ELAPOR1: variants seen among roughly 807,000 people sequenced by gnomAD.
ELAPOR1 encodes the protein endosome-lysosome associated apoptosis and autophagy regulator 1.
A neutral mutation model predicts 119.7 loss-of-function variants in ELAPOR1; 77 were observed. That is an observed-to-expected ratio of 0.64 (90% CI 0.54 to 0.78). The LOEUF (loss-of-function observed/expected upper bound fraction) is 0.78, where lower values mean the gene tolerates loss of function less well. Among genes scored for constraint, ELAPOR1 ranks in the 30% least tolerant of loss-of-function variants. The pLI, the probability that ELAPOR1 is intolerant of heterozygous loss-of-function variation, is 0.00. For synonymous variants in ELAPOR1, 481 were observed against 487.2 expected (o/e 0.99, Z 0.17); for missense variants, 1,115 against 1,270.4 (o/e 0.88, Z 1.86).
rs368841414 is a variant in ELAPOR1 at position 109,173,084 on chromosome 1, C to A, written c.697-390C>A. Among the ~76,000 whole-genome samples, 41 of 114,718 alleles carry A rather than the reference C, an allele frequency of 3.6e-4. No homozygotes were observed. In the South Asian group the frequency reaches 0.012, roughly 33 times the overall value. 75.3% of individuals were successfully genotyped at this position (114,718 alleles called of 152,430 possible). A position where few individuals can be genotyped will look rare whatever the true frequency, so the allele number is the denominator to read the frequency against. On this transcript the variant is annotated intron_variant, in intron 5 of 21. Coordinates refer to ENST00000369939, the MANE Select transcript of ELAPOR1 (RefSeq NM_020775.5). ...TGCACTCCAGCCTGGGCAACAAAAG[C>A]GAAACTCTGTCTCAAAAAAAAAAAA...
rs1654269852 is a variant in ELAPOR1, at chr1:109,202,945, G to C, written c.2975G>C (p.Arg992Thr). The change falls in exon 22 of 22, where the codon AGG (arginine) becomes ACG (threonine). Residue 992 changes from arginine (R) to threonine (T), a missense_variant and splice_region_variant. By Grantham distance (71) the Arg-to-Thr change is moderately conservative (BLOSUM62 -1). Coordinates refer to ENST00000369939, the MANE Select transcript of ELAPOR1 (RefSeq NM_020775.5). ...FGKIKSFTSK[R>T]TPDGFDSVPL... Reference sequence around the variant, plus strand: ...CTCCTGTCACCATCTCTCTTTCAGAGGACTCCTGATGGATTTGACTCAGTG... The same window carrying C: ...CTCCTGTCACCATCTCTCTTTCAGACGACTCCTGATGGATTTGACTCAGTG... 1.7e-5 allele frequency: 27 copies of C among 1,613,804 alleles called. No individual in the cohort carries two copies. Among genetic ancestry groups the C allele is most frequent in the Non-Finnish European group, 2.3e-5 (27 of 1,179,928 alleles).
At chr1:109,189,241 C>G in intron 10 of ELAPOR1, 47 bp downstream of exon 10, 1 of 1,589,298 alleles carries the variant, frequency 6.3e-7, no homozygotes, top group South Asian at 1.1e-5. Context: ...CCTGCACACC[C>G]TCAGTTCTTC....
chr1:109,138,484 C>T (rs1201496320), intron 1 of ELAPOR1, among the ~76,000 whole-genome samples: 1 of 151,920 alleles, frequency 6.6e-6, no homozygotes, highest in African/African-American at 2.4e-5. Flanking sequence ...CAGGTGTGTC[C>T]ACAGCTGATA....
At position 109,192,857 on chromosome 1, in the gene ELAPOR1, G is replaced by C; in HGVS notation, c.1930G>C (p.Gly644Arg). ...GVQACVPCGP[G>R]TKNNKIHSLC... ...CCAGGCCTGTGTGCCCTGTGGTCCAGGGACCAAGAACAACAAGGTACCTGT... is the reference window on the plus strand; with the variant it reads ...CCAGGCCTGTGTGCCCTGTGGTCCACGGACCAAGAACAACAAGGTACCTGT... Residue 644 changes from glycine (G) to arginine (R), a missense_variant, in exon 14 of 22, where the codon GGG becomes CGG. By Grantham distance (125) the Gly-to-Arg change is moderately radical. Coordinates refer to ENST00000369939, the MANE Select transcript of ELAPOR1 (RefSeq NM_020775.5). 1 of 1,613,914 alleles carries C rather than the reference G, an allele frequency of 6.2e-7. No homozygotes were observed. The highest frequency in any genetic ancestry group is 2.2e-5 in the East Asian group (1 of 44,854).
rs1558057981 is a variant in ELAPOR1, at chr1:109,183,568, C to CCTTT, written c.953-1474_953-1473insTCTT. On this transcript the variant is annotated intron_variant, in intron 7 of 21. Transcript: ENST00000369939. The stretch of plus-strand genomic sequence containing the variant: ...CTTTCTTTTCCTTCCTTCCTTCCTT[C>CCTTT]CTTCCTTCCTTCCTTCCTTCCTTCC... Among the ~76,000 whole-genome samples, 273 of 44,466 alleles carry CCTTT rather than the reference C, an allele frequency of 6.1e-3. 2 individuals carry two copies. Among genetic ancestry groups the CCTTT allele is most frequent in the South Asian group, 0.012 (10 of 836 alleles). 29.2% of individuals were successfully genotyped at this position (44,466 alleles called of 152,430 possible). A position where few individuals can be genotyped will look rare whatever the true frequency, so the allele number is the denominator to read the frequency against.
chr1:109,168,696 A>T (rs1651745111), intron 3 of ELAPOR1, among the ~76,000 whole-genome samples: 2 of 152,252 alleles, frequency 1.3e-5, no homozygotes, highest in African/African-American at 4.8e-5. Context: ...AAATGTAAAC[A>T]TTAAAAATGA....
intron 8 of ELAPOR1, chr1:109,187,367 G>C: frequency 1.0e-6 from 1 of 985,586 alleles, no homozygotes; most frequent in Non-Finnish European, 1.2e-6. Context: ...GAGGAGCCCA[G>C]GGCTCCCCAT....
chr1:109,133,911 A>T (rs1033092649), intron 1 of ELAPOR1, among the ~76,000 whole-genome samples: 5 of 152,292 alleles, frequency 3.3e-5, no homozygotes, highest in African/African-American at 1.2e-4. Flanking sequence ...AATTTCTTCC[A>T]CCAAATTTCA....
chr1:109,130,501 T>TTA (rs10687068), intron 1 of ELAPOR1, among the ~76,000 whole-genome samples: 57,951 of 149,698 alleles, frequency 0.39, 13,348 homozygotes, highest in African/African-American at 0.64. Context: ...ATTTTTAAAA[T>TTA]TATATATATA....
chr1:109,117,997 C>A (rs1570591765), intron 1 of ELAPOR1, among the ~76,000 whole-genome samples: 1 of 151,944 alleles, frequency 6.6e-6, no homozygotes, highest in Non-Finnish European at 1.5e-5. Context: ...TGTGGTGGTG[C>A]ATGCCTGTAA....
intron 7 of ELAPOR1, among the ~76,000 whole-genome samples, chr1:109,181,419 A>G (rs1652690666): frequency 6.6e-6 from 1 of 152,126 alleles, no homozygotes; most frequent in South Asian, 2.1e-4. Flanking sequence ...CTAGCATCCA[A>G]CTTAAACACT....
chr1:109,161,140 G>C (rs1018916161), intron 1 of ELAPOR1, among the ~76,000 whole-genome samples: 3 of 152,094 alleles, frequency 2.0e-5, no homozygotes, highest in African/African-American at 7.2e-5. Flanking sequence ...GGCCAGGCGT[G>C]GTGGCTCATG....
At chr1:109,162,537 G>T (rs890893319) in intron 2 of ELAPOR1, among the ~76,000 whole-genome samples, 1 of 152,136 alleles carries the variant, frequency 6.6e-6, no homozygotes, top group Non-Finnish European at 1.5e-5. Context: ...GCTTGCCGCA[G>T]CCCCAGCACC....
rs560227585 is a variant in ELAPOR1, at chr1:109,152,154, G to A, written c.154-9740G>A. Among the ~76,000 whole-genome samples, 454 of 152,280 alleles carry A rather than the reference G, an allele frequency of 3.0e-3. 1 individual carries two copies. Among genetic ancestry groups the A allele is most frequent in the Non-Finnish European group, 5.4e-3 (364 of 68,016 alleles). On this transcript the variant is annotated intron_variant, in intron 1 of 21. Coordinates refer to ENST00000369939, the MANE Select transcript of ELAPOR1 (RefSeq NM_020775.5). ...CTCCCAAAGTGTTGGGATTACAGGC[G>A]TGAGCCACTGCGCCCCGCTGCTAAT...
At chr1:109,140,149 A>C (rs493324) in intron 1 of ELAPOR1, among the ~76,000 whole-genome samples, 127,990 of 152,078 alleles carry the variant, frequency 0.84, 54,081 homozygotes, top group East Asian at 0.93. Context: ...GTGGTATATA[A>C]CTTATAGGAT....
rs185015151 is a variant in ELAPOR1, at chr1:109,194,707, G to A, written c.2121+113G>A. The A allele has an allele frequency of 6.4e-5, 58 of 910,890 alleles. No individual in the cohort carries two copies. In the African/African-American group the frequency reaches 9.3e-4, roughly 15 times the overall value. 56.4% of individuals were successfully genotyped at this position (910,890 alleles called of 1,614,324 possible). ...ATCCTTCAGGTAGCAGGGGGTTGAG[G>A]AGCTTCAAAGGTTTTTACATATTAT... On this transcript the variant is annotated intron_variant, in intron 15 of 21. Coordinates refer to ENST00000369939, the MANE Select transcript of ELAPOR1 (RefSeq NM_020775.5).
intron 18 of ELAPOR1, among the ~76,000 whole-genome samples, chr1:109,199,225 T>C (rs573218902): frequency 3.9e-5 from 6 of 152,224 alleles, no homozygotes; most frequent in Non-Finnish European, 8.8e-5. Flanking sequence ...TCTAAATGAA[T>C]ATGACCACAG....
chr1:109,138,959 G>A (rs1288844801), intron 1 of ELAPOR1, among the ~76,000 whole-genome samples: 1 of 151,820 alleles, frequency 6.6e-6, no homozygotes, highest in Non-Finnish European at 1.5e-5. Flanking sequence ...AAAGTATAAG[G>A]GGTACAGAAT....
chr1:109,196,885 G>A (rs570663176), intron 15 of ELAPOR1, among the ~76,000 whole-genome samples: 20 of 152,208 alleles, frequency 1.3e-4, no homozygotes, highest in Non-Finnish European at 2.4e-4. Context: ...GTTTCACCAC[G>A]TTGGCCAGGA....
Sources: allele counts gnomAD v4.1 joint callset (sites outside exome capture counted in the v4.1 genomes callset), GRCh38; gene constraint gnomAD v4.1.1; transcripts MANE v1.5; gene names NCBI Gene and HGNC (gene_info 2026-07-23, HGNC 2026-07-21).